The following RSRC1 variants were observed in gnomAD, a reference collection of about 807,000 sequenced individuals.
The protein encoded by RSRC1 is arginine and serine rich coiled-coil 1.
In RSRC1, 39 loss-of-function variants were observed where a neutral mutation model predicts 49.1. The observed-to-expected ratio is 0.79, with a 90% confidence interval of 0.61 to 1.04. RSRC1 has a LOEUF of 1.04. Ranked by LOEUF, RSRC1 falls within the 50% of genes least tolerant of loss-of-function variation. The pLI is 0.00. For synonymous variants in RSRC1, 143 were observed against 130.8 expected (o/e 1.09, Z -0.63); for missense variants, 388 against 402.4 (o/e 0.96, Z 0.31).
chr3:158,134,717 T>A (rs1013277874), intron 3 of RSRC1, among the ~76,000 whole-genome samples: 3 of 152,204 alleles, frequency 2.0e-5, no homozygotes, highest in Non-Finnish European at 4.4e-5. Flanking sequence ...GGAAGAACTT[T>A]CTTTTGCTTT....
intron 4 of RSRC1, among the ~76,000 whole-genome samples, chr3:158,240,628 T>C (rs1295826259): frequency 1.3e-5 from 2 of 152,198 alleles, no homozygotes; most frequent in African/African-American, 2.4e-5. Flanking sequence ...AGTAGTCTTC[T>C]CCTTATCTGT....
At chr3:158,245,990 A>C (rs1471218829) in intron 4 of RSRC1, among the ~76,000 whole-genome samples, 2 of 152,108 alleles carry the variant, frequency 1.3e-5, no homozygotes, top group Non-Finnish European at 2.9e-5. Context: ...TTCTGTATCC[A>C]TCTTGCCATT....
chr3:158,116,785 A>G (rs1412179285), intron 1 of RSRC1, among the ~76,000 whole-genome samples: 1 of 152,204 alleles, frequency 6.6e-6, no homozygotes, highest in Non-Finnish European at 1.5e-5. Context: ...CCTCATTTTG[A>G]AAATCGCTGG....
intron 4 of RSRC1, among the ~76,000 whole-genome samples, chr3:158,268,408 C>T (rs1356742825): frequency 2.0e-5 from 3 of 152,074 alleles, no homozygotes; most frequent in Non-Finnish European, 4.4e-5. Context: ...TTGGATCATA[C>T]TGTTGCTGTG....
At chr3:158,338,619 C>G (rs552594760) in intron 5 of RSRC1, among the ~76,000 whole-genome samples, 1 of 152,330 alleles carries the variant, frequency 6.6e-6, no homozygotes, top group Non-Finnish European at 1.5e-5. Context: ...ATGGTGCTCA[C>G]AACCTTTAAG....
intron 6 of RSRC1, among the ~76,000 whole-genome samples, chr3:158,424,469 G>C (rs1364682370): frequency 6.7e-6 from 1 of 148,400 alleles, no homozygotes; most frequent in African/African-American, 2.5e-5. Flanking sequence ...TGTGCTGCTG[G>C]ATTCGGTTTG....
intron 4 of RSRC1, among the ~76,000 whole-genome samples, chr3:158,251,451 A>T (rs1724204855): frequency 1.3e-5 from 2 of 152,194 alleles, no homozygotes; most frequent in Admixed American, 1.3e-4. Flanking sequence ...ATCCATAAAC[A>T]TGAAATATCT....
At chr3:158,284,748 T>A (rs998480574) in intron 4 of RSRC1, among the ~76,000 whole-genome samples, 2 of 152,056 alleles carry the variant, frequency 1.3e-5, no homozygotes, top group African/African-American at 4.8e-5. Flanking sequence ...TTGTTTGTTT[T>A]TTTCTTGTGA....
At chr3:158,535,061 A>G (rs1712642834) in intron 7 of RSRC1, among the ~76,000 whole-genome samples, 1 of 151,438 alleles carries the variant, frequency 6.6e-6, no homozygotes, top group African/African-American at 2.4e-5. Flanking sequence ...AATATTAATC[A>G]CAAAGTAAGA....
At chr3:158,295,679 G>A (rs1727195535) in intron 4 of RSRC1, among the ~76,000 whole-genome samples, 1 of 152,074 alleles carries the variant, frequency 6.6e-6, no homozygotes, top group Non-Finnish European at 1.5e-5. Flanking sequence ...AAGGGAATGT[G>A]CCAAGAATGA....
intron 7 of RSRC1, among the ~76,000 whole-genome samples, chr3:158,508,043 A>G (rs1739948357): frequency 6.6e-6 from 1 of 152,176 alleles, no homozygotes; most frequent in South Asian, 2.1e-4. Context: ...ACTGCACTCT[A>G]GCCTAGATAA....
intron 3 of RSRC1, among the ~76,000 whole-genome samples, chr3:158,150,451 A>G (rs1717451849): frequency 6.6e-6 from 1 of 152,230 alleles, no homozygotes; most frequent in Non-Finnish European, 1.5e-5. Context: ...AGCAAAGACT[A>G]TAAGAAATTG....
chr3:158,474,812 G>T (rs1212227104), intron 7 of RSRC1, among the ~76,000 whole-genome samples: 2 of 152,276 alleles, frequency 1.3e-5, no homozygotes, highest in East Asian at 3.9e-4. Flanking sequence ...ACCTACAGAG[G>T]AACTGAATTC....
At chr3:158,212,813 C>T (rs1187182321) in intron 4 of RSRC1, among the ~76,000 whole-genome samples, 1 of 151,928 alleles carries the variant, frequency 6.6e-6, no homozygotes, top group Non-Finnish European at 1.5e-5. Context: ...TAAGCTGTTG[C>T]TTATAATCAC....
At chr3:158,365,014 G>A (rs190519765) in intron 6 of RSRC1, among the ~76,000 whole-genome samples, 23 of 152,086 alleles carry the variant, frequency 1.5e-4, no homozygotes, top group African/African-American at 5.5e-4. Flanking sequence ...TAGCTAGTAG[G>A]AGTAGTTTTT....
At chr3:158,301,066 C>A (rs1396393097) in intron 5 of RSRC1, among the ~76,000 whole-genome samples, 1 of 152,078 alleles carries the variant, frequency 6.6e-6, no homozygotes, top group African/African-American at 2.4e-5. Flanking sequence ...ACCACTGATT[C>A]AGCCTCTCTG....
intron 5 of RSRC1, among the ~76,000 whole-genome samples, chr3:158,342,532 A>G: frequency 6.6e-6 from 1 of 152,106 alleles, no homozygotes; most frequent in Non-Finnish European, 1.5e-5. Flanking sequence ...GGAACCATAA[A>G]TCCAATTAAA....
chr3:158,174,874 A>C (rs1014169378), intron 3 of RSRC1, among the ~76,000 whole-genome samples: 5 of 152,060 alleles, frequency 3.3e-5, no homozygotes, highest in Non-Finnish European at 7.4e-5. Context: ...CTTTGGAATG[A>C]AATTGCTAGA....
At chr3:158,354,624 A>T (rs928229256) in intron 5 of RSRC1, among the ~76,000 whole-genome samples, 5 of 152,212 alleles carry the variant, frequency 3.3e-5, no homozygotes, top group Non-Finnish European at 7.3e-5. Context: ...TTGCTGATTG[A>T]TACAATGTTG....
Sources: gnomAD v4.1 joint callset for allele counts (sites outside exome capture counted in the v4.1 genomes callset) on GRCh38, gnomAD v4.1.1 for gene constraint, MANE v1.5 for transcripts, NCBI Gene and HGNC (gene_info 2026-07-23, HGNC 2026-07-21) for gene names.